The following CADM2 variants were observed in gnomAD, a reference collection of about 807,000 sequenced individuals.
CADM2 encodes the protein immunoglobulin superfamily member 4D.
Under a neutral mutation model 49.8 loss-of-function variants are expected in CADM2, and 12 were observed. That is an observed-to-expected ratio of 0.24 (90% CI 0.15 to 0.39). The LOEUF is 0.39. Among genes scored for constraint, CADM2 ranks in the 10% least tolerant of loss-of-function variants. The pLI is 1.00. For missense variants in CADM2, 378 were observed against 492.3 expected (o/e 0.77, Z 2.20); for synonymous variants, 214 against 175.4 (o/e 1.22, Z -1.74).
At chr3:85,663,383 A>T (rs1353036062) in intron 1 of CADM2, among the ~76,000 whole-genome samples, 1 of 151,918 alleles carries the variant, frequency 6.6e-6, no homozygotes, top group African/African-American at 2.4e-5. Flanking sequence ...AAGTTAGATG[A>T]CCATGTTATT....
chr3:85,420,184 C>T (rs1160367657), intron 1 of CADM2, among the ~76,000 whole-genome samples: 1 of 152,128 alleles, frequency 6.6e-6, no homozygotes, highest in Non-Finnish European at 1.5e-5. Flanking sequence ...AAACTGCTTG[C>T]CATTCTACAT....
At chr3:84,967,576 T>A (rs2031096422) in intron 1 of CADM2, among the ~76,000 whole-genome samples, 1 of 152,148 alleles carries the variant, frequency 6.6e-6, no homozygotes, top group Admixed American at 6.5e-5. Flanking sequence ...CTCTCTATTT[T>A]ATGTGCTGAA....
chr3:85,914,643 C>T (rs1718045440), intron 6 of CADM2, among the ~76,000 whole-genome samples: 1 of 152,112 alleles, frequency 6.6e-6, no homozygotes, highest in South Asian at 2.1e-4. Context: ...CTATTGAAGA[C>T]CACTTCCAGT....
At chr3:85,375,372 T>C (rs1003248849) in intron 1 of CADM2, among the ~76,000 whole-genome samples, 12 of 152,186 alleles carry the variant, frequency 7.9e-5, no homozygotes, top group African/African-American at 2.7e-4. Flanking sequence ...CAGACAAGAA[T>C]TGTAGAGGTG....
chr3:84,994,219 T>C (rs969589726), intron 1 of CADM2, among the ~76,000 whole-genome samples: 2 of 152,222 alleles, frequency 1.3e-5, no homozygotes, highest in Admixed American at 1.3e-4. Flanking sequence ...CTCTCTAAGT[T>C]TGAAGAGTGC....
intron 1 of CADM2, among the ~76,000 whole-genome samples, chr3:85,588,621 A>G: frequency 6.6e-6 from 1 of 152,094 alleles, no homozygotes. Context: ...CCTCTGTATC[A>G]TCTTTAGCTC....
chr3:85,265,049 A>G (rs976789562), intron 1 of CADM2, among the ~76,000 whole-genome samples: 1 of 152,020 alleles, frequency 6.6e-6, no homozygotes, highest in Non-Finnish European at 1.5e-5. Flanking sequence ...AGCTCTTAGA[A>G]CAACATTCAG....
intron 8 of CADM2, among the ~76,000 whole-genome samples, chr3:86,010,799 TAAG>T (rs1236237801): frequency 6.6e-6 from 1 of 151,242 alleles, no homozygotes; most frequent in African/African-American, 2.4e-5. Context: ...TTAATCCAAC[TAAG>T]AAAAGAAAAA....
At chr3:86,044,876 G>A (rs1206162644) in intron 8 of CADM2, among the ~76,000 whole-genome samples, 2 of 152,062 alleles carry the variant, frequency 1.3e-5, no homozygotes, top group African/African-American at 4.8e-5. Context: ...ATACTATGCA[G>A]CCATAAAAAA....
At chr3:85,684,934 A>C (rs2066157681) in intron 1 of CADM2, among the ~76,000 whole-genome samples, 1 of 152,192 alleles carries the variant, frequency 6.6e-6, no homozygotes, top group African/African-American at 2.4e-5. Flanking sequence ...TAAAGTCCCC[A>C]GACAGCCACA....
chr3:85,120,535 G>T (rs975376161), intron 1 of CADM2, among the ~76,000 whole-genome samples: 1 of 151,768 alleles, frequency 6.6e-6, no homozygotes, highest in Non-Finnish European at 1.5e-5. Flanking sequence ...CAGGGACATG[G>T]ATGAAGCTGG....
At chr3:85,412,237 C>A (rs1221454673) in intron 1 of CADM2, among the ~76,000 whole-genome samples, 4 of 152,090 alleles carry the variant, frequency 2.6e-5, no homozygotes, top group African/African-American at 9.7e-5. Context: ...TATTGAATCT[C>A]AATTTACTTA....
In CADM2 at chr3:85,217,198, A is replaced by G. The variant is rs139417844; in HGVS notation, c.61+257530A>G. The stretch of plus-strand genomic sequence containing the variant: ...GAAATATCTTTATTTTAGTCTTATA[A>G]CACTGGCACAAAATTATGAAGATCA... On this transcript the variant is annotated intron_variant, in intron 1 of 9. Coordinates refer to ENST00000383699, the MANE Select transcript of CADM2 (RefSeq NM_001167675.2). Among the ~76,000 whole-genome samples, 840 of 151,954 alleles carry G rather than the reference A, an allele frequency of 5.5e-3. 7 individuals are homozygous for G. Among genetic ancestry groups the G allele is most frequent in the African/African-American group, 0.019 (799 of 41,544 alleles).
chr3:85,039,986 G>A (rs1004738575), intron 1 of CADM2, among the ~76,000 whole-genome samples: 7 of 152,108 alleles, frequency 4.6e-5, no homozygotes, highest in Non-Finnish European at 8.8e-5. Flanking sequence ...AAACCTTCAG[G>A]CAGTATGACT....
chr3:85,395,534 C>T (rs75005531), intron 1 of CADM2, among the ~76,000 whole-genome samples: 3,281 of 152,148 alleles, frequency 0.022, 54 homozygotes, highest in Middle Eastern at 0.054. Flanking sequence ...TTAAAATACA[C>T]TAAAGATGAG....
intron 1 of CADM2, among the ~76,000 whole-genome samples, chr3:85,229,227 G>A (rs2042228797): frequency 6.6e-6 from 1 of 152,184 alleles, no homozygotes; most frequent in African/African-American, 2.4e-5. Context: ...CAAGCCAATG[G>A]ATCTTAGCTT....
intron 1 of CADM2, among the ~76,000 whole-genome samples, chr3:85,396,913 T>C (rs1315315780): frequency 6.6e-6 from 1 of 152,082 alleles, no homozygotes; most frequent in East Asian, 1.9e-4. Context: ...AAATTGGTCT[T>C]CATCAAAATT....
intron 1 of CADM2, among the ~76,000 whole-genome samples, chr3:85,417,956 G>A (rs986444329): frequency 6.6e-6 from 1 of 152,050 alleles, no homozygotes; most frequent in African/African-American, 2.4e-5. Context: ...CAATGTTGCT[G>A]GTTCCTTAGA....
intron 1 of CADM2, among the ~76,000 whole-genome samples, chr3:85,365,515 G>A (rs1328149163): frequency 1.3e-5 from 2 of 151,818 alleles, no homozygotes; most frequent in African/African-American, 4.8e-5. Context: ...GAGATTACTG[G>A]GTGCTTTCAC....
Sources: gnomAD v4.1 joint callset for allele counts (sites outside exome capture counted in the v4.1 genomes callset) on GRCh38, gnomAD v4.1.1 for gene constraint, MANE v1.5 for transcripts, NCBI Gene and HGNC (gene_info 2026-07-23, HGNC 2026-07-21) for gene names.